Variants in ARB2A observed in about 807,000 individuals in gnomAD.
ARB2A encodes cotranscriptional regulator ARB2A.
the ARB2A span, chr5:93,865,320 A>T: frequency 1.3e-6 from 1 of 779,262 alleles, no homozygotes; most frequent in South Asian, 5.8e-5. Flanking sequence ...TGACCTTGTG[A>T]TCCGCCCGCC....
the ARB2A span, among the ~76,000 whole-genome samples, chr5:93,920,126 T>C: frequency 3.3e-5 from 5 of 152,180 alleles, no homozygotes; most frequent in African/African-American, 1.2e-4. Context: ...TAGTACACAG[T>C]AGTATAAACC....
the ARB2A span, among the ~76,000 whole-genome samples, chr5:93,902,699 A>T: frequency 6.6e-6 from 1 of 152,134 alleles, no homozygotes; most frequent in Non-Finnish European, 1.5e-5. Flanking sequence ...TCGTGAAAAG[A>T]TAATTTTTCT....
the ARB2A span, chr5:93,958,866 C>G: frequency 6.2e-7 from 1 of 1,609,962 alleles, no homozygotes; most frequent in East Asian, 2.2e-5. Flanking sequence ...CCTGCCCTGA[C>G]AACACCACTA....
At chr5:93,758,944 T>A in the ARB2A span, among the ~76,000 whole-genome samples, 1 of 151,676 alleles carries the variant, frequency 6.6e-6, no homozygotes, top group Non-Finnish European at 1.5e-5. Flanking sequence ...ATACAAAAAA[T>A]AAATGAAACA....
chr5:93,723,822 A>C, the ARB2A span, among the ~76,000 whole-genome samples: 1 of 152,040 alleles, frequency 6.6e-6, no homozygotes, highest in African/African-American at 2.4e-5. Context: ...TGTTAACCTA[A>C]GATTCCATGG....
At chr5:94,063,582 C>T in the ARB2A span, among the ~76,000 whole-genome samples, 1 of 152,094 alleles carries the variant, frequency 6.6e-6, no homozygotes, top group Non-Finnish European at 1.5e-5. Flanking sequence ...TACCCAACAC[C>T]AGTGCCAGCA....
At chr5:93,755,190 A>G in the ARB2A span, among the ~76,000 whole-genome samples, 267 of 152,328 alleles carry the variant, frequency 1.8e-3, no homozygotes, top group African/African-American at 5.5e-3. Context: ...TCATATTTAT[A>G]CAAGATAAGT....
chr5:93,723,080 T>TG, the ARB2A span, among the ~76,000 whole-genome samples: 2 of 152,102 alleles, frequency 1.3e-5, no homozygotes, highest in African/African-American at 4.8e-5. Flanking sequence ...GACAAGAGCT[T>TG]TCAAATGAAT....
the ARB2A span, among the ~76,000 whole-genome samples, chr5:93,838,548 C>CAA: frequency 7.8e-4 from 111 of 142,944 alleles, no homozygotes; most frequent in African/African-American, 1.8e-3. Flanking sequence ...GACTCTGTAT[C>CAA]AAAAAAAAAA....
At chr5:93,630,139 T>C in the ARB2A span, among the ~76,000 whole-genome samples, 1 of 152,196 alleles carries the variant, frequency 6.6e-6, no homozygotes, top group Non-Finnish European at 1.5e-5. Context: ...AAATGAATTC[T>C]AGAGCTTCTA....
At chr5:94,001,715 A>G in the ARB2A span, among the ~76,000 whole-genome samples, 1 of 152,004 alleles carries the variant, frequency 6.6e-6, no homozygotes, top group Non-Finnish European at 1.5e-5. Context: ...GTTCTTGCAT[A>G]ATGTCCATTT....
At chr5:94,028,875 C>T in the ARB2A span, among the ~76,000 whole-genome samples, 2,174 of 152,144 alleles carry the variant, frequency 0.014, 54 homozygotes, top group African/African-American at 0.049. Flanking sequence ...ACCATAATAC[C>T]GTTATCTCCC....
At chr5:93,953,613 T>C in the ARB2A span, among the ~76,000 whole-genome samples, 4 of 152,222 alleles carry the variant, frequency 2.6e-5, no homozygotes, top group African/African-American at 7.2e-5. Context: ...AGTATGGTAC[T>C]ACATCTCACC....
the ARB2A span, among the ~76,000 whole-genome samples, chr5:93,674,236 C>T: frequency 6.6e-6 from 1 of 152,188 alleles, no homozygotes; most frequent in Non-Finnish European, 1.5e-5. Flanking sequence ...TTTCAGTGAA[C>T]AAACAGCTCA....
chr5:94,103,330 C>T, the ARB2A span, among the ~76,000 whole-genome samples: 1 of 151,974 alleles, frequency 6.6e-6, no homozygotes, highest in Non-Finnish European at 1.5e-5. Context: ...AAAAATCTAT[C>T]AAGCAAACAG....
chr5:94,013,048 C>T, the ARB2A span, among the ~76,000 whole-genome samples: 1 of 152,046 alleles, frequency 6.6e-6, no homozygotes, highest in Admixed American at 6.6e-5. Context: ...GTATGAAACA[C>T]GTGATGAAAA....
chr5:93,668,641 T>G, the ARB2A span, among the ~76,000 whole-genome samples: 1 of 151,448 alleles, frequency 6.6e-6, no homozygotes, highest in Non-Finnish European at 1.5e-5. Context: ...AAGATGGTAT[T>G]TGTTTTTTTT....
At chr5:93,669,673 C>T in the ARB2A span, among the ~76,000 whole-genome samples, 2 of 152,134 alleles carry the variant, frequency 1.3e-5, no homozygotes, top group Non-Finnish European at 1.5e-5. Context: ...AGGCAAACTC[C>T]TGCATACTAC....
chr5:94,097,775 C>T, the ARB2A span, among the ~76,000 whole-genome samples: 7 of 152,084 alleles, frequency 4.6e-5, no homozygotes, highest in African/African-American at 1.4e-4. Flanking sequence ...CACAGCCTCC[C>T]CCAACTGCTT....
Sources: allele counts gnomAD v4.1 joint callset (sites outside exome capture counted in the v4.1 genomes callset), GRCh38; gene constraint gnomAD v4.1.1; transcripts MANE v1.5; gene names NCBI Gene and HGNC (gene_info 2026-07-23, HGNC 2026-07-21).